The following ORC5 variants were observed in gnomAD, a reference collection of about 807,000 sequenced individuals.
ORC5 encodes origin recognition complex subunit 5.
A neutral mutation model predicts 58.8 loss-of-function variants in ORC5; 39 were observed. The observed-to-expected ratio is 0.66, with a 90% CI of 0.51 to 0.87. The LOEUF is 0.87. ORC5 is among the 40% of genes least tolerant of loss of function. The pLI is 0.00. For missense variants in ORC5, 493 were observed against 506.3 expected, an observed-to-expected ratio of 0.97 and a Z score of 0.25; for synonymous variants, 218 against 177.6, an observed-to-expected ratio of 1.23 and a Z score of -1.81.
chr7:104,177,877 T>A (rs1799355102), intron 8 of ORC5, among the ~76,000 whole-genome samples: 1 of 152,188 alleles, frequency 6.6e-6, no homozygotes, highest in African/African-American at 2.4e-5. Flanking sequence ...CAGCTTCACC[T>A]ATGTCCCTGC....
At position 104,207,964 on chromosome 7, in the gene ORC5, G is replaced by T. The variant is rs1008461579; in HGVS notation, c.-60C>A. 4.0e-6 allele frequency: 6 copies of T among 1,518,558 alleles called. No individual in the cohort carries two copies. The highest frequency in any genetic ancestry group is 3.4e-5 in the Admixed American group (2 of 58,932). The allele number at this position is 1,518,558 out of a possible 1,614,324, so 94.1% of individuals were successfully genotyped here. ...AGCCCACAGGACCCTTGCACAAGAC[G>T]GAGCCTCTCCCGAGTCTGGCGGCCC... On this transcript the variant is annotated 5_prime_UTR_variant, in exon 1 of 14. Coordinates refer to ENST00000297431, the MANE Select transcript of ORC5 (RefSeq NM_002553.4).
intron 5 of ORC5, 92 bp from the exon 6 acceptor site, chr7:104,188,473 ACACCCAGACCCAGC>A: frequency 2.2e-6 from 2 of 893,978 alleles, no homozygotes; most frequent in Non-Finnish European, 3.3e-6. Context: ...TAAAAAAAAA[ACACCCAGACCCAGC>A]AACAATTAAG....
intron 12 of ORC5, among the ~76,000 whole-genome samples, chr7:104,153,822 C>T (rs1023470780): frequency 3.9e-5 from 6 of 152,006 alleles, no homozygotes; most frequent in African/African-American, 1.4e-4. Flanking sequence ...TTTATGTCTA[C>T]AAAATTCAAA....
intron 9 of ORC5, chr7:104,167,949 C>T (rs1422724475): frequency 4.6e-5 from 7 of 150,730 alleles, no homozygotes; most frequent in Non-Finnish European, 1.0e-4. Context: ...CTTTAACCAT[C>T]AGCCACTGAC....
intron 6 of ORC5, among the ~76,000 whole-genome samples, chr7:104,186,255 A>T (rs571254919): frequency 6.6e-6 from 1 of 152,208 alleles, no homozygotes; most frequent in African/African-American, 2.4e-5. Flanking sequence ...CACAGATCAA[A>T]AACAGTACTC....
chr7:104,149,856 G>A (rs765804174), intron 12 of ORC5, among the ~76,000 whole-genome samples: 8 of 152,172 alleles, frequency 5.3e-5, no homozygotes, highest in Non-Finnish European at 1.0e-4. Context: ...CGTTATGACT[G>A]AGGAATTCAC....
At position 104,135,235 on chromosome 7, in the gene ORC5, A is replaced by G. The variant is rs114141561; in HGVS notation, c.1262+1546T>C. The stretch of plus-strand genomic sequence containing the variant: ...TTCACTCCAAATTTATGCCTTGGAT[A>G]GAGGCTCTTAGATATAAAGTTCCAA... On this transcript the variant is annotated intron_variant, in intron 13 of 13. Coordinates refer to ENST00000297431, the MANE Select transcript of ORC5 (RefSeq NM_002553.4). Among the ~76,000 whole-genome samples the G allele has an allele frequency of 6.4e-3, 968 of 152,332 alleles. 12 individuals are homozygous for G. Among genetic ancestry groups the G allele is most frequent in the African/African-American group, 0.022 (896 of 41,574 alleles).
At chr7:104,144,320 A>G (rs1584482472) in intron 12 of ORC5, among the ~76,000 whole-genome samples, 1 of 152,222 alleles carries the variant, frequency 6.6e-6, no homozygotes, top group East Asian at 1.9e-4. Context: ...AAATACATAT[A>G]AAACTTTAAA....
rs1798544342 is a variant in ORC5, at chr7:104,133,447, C to T, written c.1262+3334G>A. ...CAGGCCTGGGTAACACAGCAGACTG[C>T]AGTGCTTATCACTGAAATAAGAAAC... On this transcript the variant is annotated intron_variant, in intron 13 of 13. Transcript: ENST00000297431. The surrounding 1 kb of genome is among the most constrained non-coding windows in gnomAD (Gnocchi z 4.7). Among the ~76,000 whole-genome samples the T allele has an allele frequency of 6.6e-6, 1 of 152,058 alleles. No individual in the cohort carries two copies. Among genetic ancestry groups the T allele is most frequent in the Admixed American group, 6.5e-5 (1 of 15,278 alleles).
At chr7:104,170,692 T>C (rs1447536422) in intron 8 of ORC5, among the ~76,000 whole-genome samples, 2 of 152,234 alleles carry the variant, frequency 1.3e-5, no homozygotes, top group Admixed American at 6.5e-5. Context: ...AATATACTAG[T>C]ACAGTTTCAG....
intron 13 of ORC5, among the ~76,000 whole-genome samples, chr7:104,135,139 G>A (rs1161995695): frequency 6.6e-6 from 1 of 152,124 alleles, no homozygotes; most frequent in African/African-American, 2.4e-5. Flanking sequence ...ACAAACTTCT[G>A]TTTTGCACAT....
intron 12 of ORC5, among the ~76,000 whole-genome samples, chr7:104,148,316 T>C (rs1798793163): frequency 1.3e-5 from 2 of 152,164 alleles, no homozygotes; most frequent in South Asian, 2.1e-4. Context: ...CAAGGAGCTA[T>C]AGAATACAAA....
chr7:104,182,821 T>C (rs927000057), intron 8 of ORC5, among the ~76,000 whole-genome samples: 1 of 152,168 alleles, frequency 6.6e-6, no homozygotes, highest in African/African-American at 2.4e-5. Context: ...CTTTGTAAAC[T>C]TTGTACTTGT....
chr7:104,204,137 C>T lies in ORC5; in HGVS notation c.165+5G>A. On this transcript the variant is annotated splice_donor_5th_base_variant and intron_variant, in intron 2 of 13. Transcript: ENST00000297431. ...CAAAGAAATATTTAATATTTTTATT[C>T]TTACCTCTAAAGTTTTCAACAACGT... 6.8e-7 allele frequency: 1 copy of T among 1,466,356 alleles called. No individual in the cohort carries two copies. The highest frequency in any genetic ancestry group is 9.4e-7 in the Non-Finnish European group (1 of 1,062,356). 90.8% of individuals were successfully genotyped at this position (1,466,356 alleles called of 1,614,324 possible).
intron 11 of ORC5, among the ~76,000 whole-genome samples, chr7:104,164,296 T>C (rs1175819872): frequency 6.6e-6 from 1 of 152,108 alleles, no homozygotes; most frequent in Non-Finnish European, 1.5e-5. Flanking sequence ...CAGTGGCGTG[T>C]GCCTGTAGTC....
intron 12 of ORC5, among the ~76,000 whole-genome samples, chr7:104,150,425 G>A (rs1449571915): frequency 2.0e-5 from 3 of 152,012 alleles, no homozygotes. Flanking sequence ...GGCATATATT[G>A]AGAGTTCAAC....
intron 2 of ORC5, chr7:104,202,574 T>C (rs988940954): frequency 2.2e-6 from 1 of 452,566 alleles, no homozygotes; most frequent in African/African-American, 2.0e-5. Flanking sequence ...AATAATCATA[T>C]ATTACACTGA....
intron 1 of ORC5, among the ~76,000 whole-genome samples, chr7:104,206,214 A>C (rs529744678): frequency 3.3e-5 from 5 of 152,360 alleles, no homozygotes; most frequent in Non-Finnish European, 7.3e-5. Context: ...TACCTGACAC[A>C]GAAAAGGTGC....
chr7:104,180,243 T>G lies in ORC5; in HGVS notation c.824+3700A>C, dbSNP rs191151540. ...CAACTTCCAGGTTATCTAAATGGGC[T>G]TCCCATAAGGAGAAGCAATCATACT... On this transcript the variant is annotated intron_variant, in intron 8 of 13. Transcript: ENST00000297431. Among the ~76,000 whole-genome samples, 13 of 152,364 alleles carry G rather than the reference T, an allele frequency of 8.5e-5. No individual in the cohort carries two copies. The East Asian group carries it at 2.5e-3, about 29-fold the overall frequency.
Sources: gnomAD v4.1 joint callset for allele counts (sites outside exome capture counted in the v4.1 genomes callset) on GRCh38, gnomAD v4.1.1 for gene constraint, Gnocchi (gnomAD v3.1) non-coding constraint, MANE v1.5 for transcripts, NCBI Gene and HGNC (gene_info 2026-07-23, HGNC 2026-07-21) for gene names.